The following USH2A variants were observed in gnomAD, a reference collection of about 807,000 sequenced individuals.
USH2A encodes usherin.
In USH2A, 443 loss-of-function variants were observed where a neutral mutation model predicts 538.9. The ratio of observed to expected loss-of-function variants is 0.82; its 90% confidence interval spans 0.76 to 0.89. USH2A has a LOEUF of 0.89. Ranked by LOEUF, USH2A falls within the 40% of genes least tolerant of loss-of-function variation. The pLI is 0.00. For missense variants in USH2A, 6,633 were observed against 6,324.8 expected, an observed-to-expected ratio of 1.05 and a Z score of -1.65; for synonymous variants, 2,413 against 2,273.5, an observed-to-expected ratio of 1.06 and a Z score of -1.75.
chr1:216,322,488 TC>T (rs972409909), intron 8 of USH2A, among the ~76,000 whole-genome samples: 4 of 151,110 alleles, frequency 2.6e-5, no homozygotes, highest in Admixed American at 2.6e-4. Context: ...ATGCCTGTAG[TC>T]CCAGTTACTT....
intron 21 of USH2A, among the ~76,000 whole-genome samples, chr1:216,099,666 T>C (rs2032529997): frequency 6.6e-6 from 1 of 152,118 alleles, no homozygotes; most frequent in Admixed American, 6.5e-5. Flanking sequence ...ATAAACTCTA[T>C]ACATACCAGG....
At chr1:215,766,911 A>G (rs1661149506) in intron 55 of USH2A, 123 bp from the exon 56 acceptor site, 2 of 935,322 alleles carry the variant, frequency 2.1e-6, no homozygotes, top group Admixed American at 2.0e-5. Flanking sequence ...TACTCTCTAA[A>G]ACACTCTTTA....
intron 37 of USH2A, among the ~76,000 whole-genome samples, chr1:215,962,915 C>T (rs992903531): frequency 5.9e-5 from 9 of 152,062 alleles, no homozygotes; most frequent in Non-Finnish European, 8.8e-5. Flanking sequence ...GTTCAGGATA[C>T]GAGTTGACAT....
intron 9 of USH2A, among the ~76,000 whole-genome samples, chr1:216,305,429 A>G (rs1001116578): frequency 6.6e-6 from 1 of 152,110 alleles, no homozygotes; most frequent in African/African-American, 2.4e-5. Context: ...TCTCTTGAGG[A>G]CAGCAGATAC....
At chr1:216,236,173 T>C (rs2035812490) in intron 13 of USH2A, among the ~76,000 whole-genome samples, 1 of 152,126 alleles carries the variant, frequency 6.6e-6, no homozygotes, top group Admixed American at 6.6e-5. Flanking sequence ...GTTTTTCAAT[T>C]AAATTAGGTA....
intron 16 of USH2A, among the ~76,000 whole-genome samples, chr1:216,203,168 G>A (rs1247947935): frequency 6.6e-6 from 1 of 151,944 alleles, no homozygotes; most frequent in Non-Finnish European, 1.5e-5. Context: ...AAGATCTCCA[G>A]TGGATTCCTA....
intron 4 of USH2A, among the ~76,000 whole-genome samples, chr1:216,360,400 G>C (rs539961536): frequency 6.6e-6 from 1 of 152,156 alleles, no homozygotes; most frequent in Admixed American, 6.6e-5. Context: ...TAGGGGTTAG[G>C]ATAGAGATAA....
intron 70 of USH2A, chr1:215,630,402 GTATATATGTGTGTGTA>G (rs1373634634): frequency 2.1e-5 from 8 of 381,722 alleles, no homozygotes; most frequent in South Asian, 7.8e-5. Context: ...ACCTGCATAT[GTATATATGTGTGTGTA>G]TATATATGTG....
At position 216,391,534 on chromosome 1, in the gene USH2A, G is replaced by A. The variant is rs559817151; in HGVS notation, c.652-26449C>T. On this transcript the variant is annotated intron_variant, in intron 3 of 71. Coordinates refer to ENST00000307340, the MANE Select transcript of USH2A (RefSeq NM_206933.4). ...AGTATAAGAGTTTCTGTTGCATTGC[G>A]CTTAACCCCACTTCTTCACTTTGCA... Among the ~76,000 whole-genome samples, 18 of 152,162 alleles carry A rather than the reference G, an allele frequency of 1.2e-4. No individual in the cohort carries two copies. The South Asian group carries it at 1.5e-3, about 12-fold the overall frequency.
At chr1:215,693,569 C>T (rs1430944841) in intron 61 of USH2A, among the ~76,000 whole-genome samples, 1 of 152,098 alleles carries the variant, frequency 6.6e-6, no homozygotes, top group Non-Finnish European at 1.5e-5. Context: ...ACCCCTGTTT[C>T]TTAAAAACAA....
intron 36 of USH2A, among the ~76,000 whole-genome samples, chr1:215,965,861 T>C (rs530044673): frequency 1.8e-3 from 272 of 151,892 alleles, no homozygotes; most frequent in African/African-American, 6.4e-3. Context: ...TTGACTTAGG[T>C]GGTAGACTTC....
At chr1:216,307,195 G>T (rs767673130) in intron 9 of USH2A, among the ~76,000 whole-genome samples, 22 of 152,050 alleles carry the variant, frequency 1.4e-4, no homozygotes, top group Non-Finnish European at 2.8e-4. Context: ...GTAGGGTCAG[G>T]GTTAGGTGTG....
At position 215,958,574 on chromosome 1, in the gene USH2A, G is replaced by A. The variant is rs192777557; in HGVS notation, c.7120+6743C>T. ...CAATTATAACAGAAGAAAAAGTTTAGGCTCAGAGAATGGGGGATGGGGAGC... is the reference window on the plus strand; with the variant it reads ...CAATTATAACAGAAGAAAAAGTTTAAGCTCAGAGAATGGGGGATGGGGAGC... On this transcript the variant is annotated intron_variant, in intron 37 of 71. Coordinates refer to ENST00000307340, the MANE Select transcript of USH2A (RefSeq NM_206933.4). Among the ~76,000 whole-genome samples the A allele has an allele frequency of 4.0e-3, 609 of 152,172 alleles. 1 individual carries two copies. Among genetic ancestry groups the A allele is most frequent in the Non-Finnish European group, 7.6e-3 (518 of 68,010 alleles).
At position 216,047,611 on chromosome 1, in the gene USH2A, T is replaced by C. The variant is rs1398314022; in HGVS notation, c.6163+923A>G. Among the ~76,000 whole-genome samples the C allele has an allele frequency of 2.6e-5, 4 of 152,166 alleles. No individual in the cohort carries two copies. In the East Asian group the frequency reaches 7.7e-4, roughly 29 times the overall value. On this transcript the variant is annotated intron_variant, in intron 31 of 71. Coordinates refer to ENST00000307340, the MANE Select transcript of USH2A (RefSeq NM_206933.4). Reference sequence around the variant, plus strand: ...CCTGGTTTCATCCTATGGGTCCATGTCTTCCTTTCTGTTACATATCTTCAG... The same window carrying C: ...CCTGGTTTCATCCTATGGGTCCATGCCTTCCTTTCTGTTACATATCTTCAG...
intron 32 of USH2A, among the ~76,000 whole-genome samples, chr1:216,000,786 C>T (rs1362926125): frequency 6.6e-6 from 1 of 152,072 alleles, no homozygotes; most frequent in Non-Finnish European, 1.5e-5. Context: ...CTTGTTTTGA[C>T]TTTTTCATTT....
intron 9 of USH2A, among the ~76,000 whole-genome samples, chr1:216,297,143 C>T (rs538420380): frequency 1.3e-5 from 2 of 152,006 alleles, no homozygotes; most frequent in African/African-American, 2.4e-5. Flanking sequence ...TGAGTAATTG[C>T]CTGTACCTCT....
intron 25 of USH2A, 93 bp downstream of exon 25, chr1:216,084,605 T>C (rs2032061499): frequency 3.6e-6 from 5 of 1,387,586 alleles, no homozygotes; most frequent in Non-Finnish European, 5.0e-6. Flanking sequence ...TAGGTTCATA[T>C]GAGGTCAAGT....
intron 9 of USH2A, among the ~76,000 whole-genome samples, chr1:216,312,713 C>T (rs2037443777): frequency 6.6e-6 from 1 of 152,066 alleles, no homozygotes; most frequent in Non-Finnish European, 1.5e-5. Flanking sequence ...TCCATTAGAG[C>T]CTTTAGTGTA....
In USH2A at chr1:216,300,983, C is replaced by T. The variant is rs190722304; in HGVS notation, c.1645-8613G>A. On this transcript the variant is annotated intron_variant, in intron 9 of 71. Transcript: ENST00000307340. ...CAGGCTCGTCTCAAACTCCTGACTTCAAGTGATCCGCCCACCTCGGCCTAC... is the reference window on the plus strand; with the variant it reads ...CAGGCTCGTCTCAAACTCCTGACTTTAAGTGATCCGCCCACCTCGGCCTAC... Among the ~76,000 whole-genome samples, 12 of 152,134 alleles carry T rather than the reference C, an allele frequency of 7.9e-5. No individual in the cohort carries two copies. The East Asian group carries it at 2.3e-3, about 30-fold the overall frequency.
Sources: gnomAD v4.1 joint callset for allele counts (sites outside exome capture counted in the v4.1 genomes callset) on GRCh38, gnomAD v4.1.1 for gene constraint, MANE v1.5 for transcripts, NCBI Gene and HGNC (gene_info 2026-07-23, HGNC 2026-07-21) for gene names.